BOLL: variants seen among roughly 807,000 people sequenced by gnomAD.
BOLL encodes the protein protein boule-like.
BOLL carries 23 observed loss-of-function variants against 44.4 expected under a neutral mutation model. The observed-to-expected ratio is 0.52, with a 90% CI of 0.37 to 0.73. BOLL has a LOEUF of 0.73. Ranked by LOEUF, BOLL falls within the 30% of genes least tolerant of loss-of-function variation. BOLL has a pLI of 0.00. For synonymous variants in BOLL, 97 were observed against 110.8 expected, an observed-to-expected ratio of 0.88 and a Z score of 0.78; for missense variants, 287 against 338.3, an observed-to-expected ratio of 0.85 and a Z score of 1.19.
At position 197,727,849 on chromosome 2, in the gene BOLL, GA is replaced by G. The variant is rs1160444507; in HGVS notation, c.*705del. On this transcript the variant is annotated 3_prime_UTR_variant, in exon 11 of 11. Transcript: ENST00000392296. ...TTTCAATATTGTCTCAAACACTGGA[GA>G]AAAAATTTAATATAGTCAAATTACA... 2 of 152,072 alleles carry G rather than the reference GA, an allele frequency of 1.3e-5. No individual in the cohort carries two copies. Among genetic ancestry groups the G allele is most frequent in the South Asian group, 2.1e-4 (1 of 4,828 alleles). The allele number at this position is 152,072 out of a possible 1,614,324, so 9.4% of individuals were successfully genotyped here. A position where few individuals can be genotyped will look rare whatever the true frequency, so the allele number is the denominator to read the frequency against.
chr2:197,777,331 T>G lies in BOLL; in HGVS notation c.222-218A>C, dbSNP rs143816061. ...AAAAGAAAAAAAACCCCTGAGATCT[T>G]GAAACAGCTTCAGCTCTCAGCTGTA... On this transcript the variant is annotated intron_variant, in intron 3 of 10. Transcript: ENST00000392296. Among the ~76,000 whole-genome samples, 112 of 151,908 alleles carry G rather than the reference T, an allele frequency of 7.4e-4. 1 individual carries two copies. Among genetic ancestry groups the G allele is most frequent in the African/African-American group, 2.7e-3 (112 of 41,502 alleles).
intron 5 of BOLL, 78 bp downstream of exon 5, chr2:197,775,587 A>G (rs1334358963): frequency 1.1e-6 from 1 of 935,166 alleles, no homozygotes; most frequent in African/African-American, 1.8e-5. Flanking sequence ...TCTTTTAATA[A>G]AGTTCTATAA....
At position 197,775,870 on chromosome 2, in the gene BOLL, G is replaced by T. The variant is rs577378674; in HGVS notation, c.277-130C>A. ...TATTCTTTCAAAGCAGCAAGGAATAGTGGGAAAGAGCCGTCTTCAGACTGA... is the reference window on the plus strand; with the variant it reads ...TATTCTTTCAAAGCAGCAAGGAATATTGGGAAAGAGCCGTCTTCAGACTGA... On this transcript the variant is annotated intron_variant, in intron 4 of 10. Transcript: ENST00000392296. 3,966 of 484,584 alleles carry T rather than the reference G, an allele frequency of 8.2e-3. 33 individuals are homozygous for T. The highest frequency in any genetic ancestry group is 0.019 in the South Asian group (447 of 23,522). 30.0% of individuals were successfully genotyped at this position (484,584 alleles called of 1,614,324 possible).
At chr2:197,746,218 C>T (rs370948258) in intron 9 of BOLL, among the ~76,000 whole-genome samples, 5 of 152,106 alleles carry the variant, frequency 3.3e-5, no homozygotes, top group East Asian at 1.9e-4. Context: ...TTAGTATGGC[C>T]ATTTTGGAAA....
intron 9 of BOLL, among the ~76,000 whole-genome samples, chr2:197,754,879 T>A (rs1688438894): frequency 6.6e-6 from 1 of 151,924 alleles, no homozygotes; most frequent in Admixed American, 6.6e-5. Context: ...CAATTGCAAC[T>A]AAGCAAAAAT....
intron 7 of BOLL, chr2:197,759,155 G>C (rs1688641022): frequency 1.5e-6 from 1 of 678,192 alleles, no homozygotes; most frequent in African/African-American, 1.8e-5. Flanking sequence ...CAAAAGGAGA[G>C]TGCTGGAGTG....
At chr2:197,775,822 A>C (rs1558996217) in intron 4 of BOLL, 82 bp from the exon 5 acceptor site, 2 of 790,688 alleles carry the variant, frequency 2.5e-6, no homozygotes, top group Non-Finnish European at 3.8e-6. Context: ...AGTTAGAAAG[A>C]ATTTCAAAAA....
chr2:197,786,202 A>G (rs1020305445), upstream of BOLL: 14 of 726,416 alleles, frequency 1.9e-5, no homozygotes, highest in Admixed American at 1.8e-4. This position sits in a 1 kb window ranked among gnomAD's most constrained non-coding sequence, Gnocchi z 5.9. Context: ...GGAGAAGCGG[A>G]CTGCGTCGCC....
Position 197,785,056 on chromosome 2 carries a change from C to T in BOLL, c.-16G>A. Reference sequence around the variant, plus strand: ...AGACAGCAGGAACGGGCGGGCTAACCGTCGCAGTCACTGCCTCGGCGCTCC... The same window carrying T: ...AGACAGCAGGAACGGGCGGGCTAACTGTCGCAGTCACTGCCTCGGCGCTCC... On this transcript the variant is annotated splice_region_variant and 5_prime_UTR_variant, in exon 1 of 11. Transcript: ENST00000392296. This position sits in a 1 kb window ranked among gnomAD's most constrained non-coding sequence, Gnocchi z 6.7. 2.1e-5 allele frequency: 21 copies of T among 986,014 alleles called. No individual in the cohort carries two copies. The highest frequency in any genetic ancestry group is 2.3e-5 in the Non-Finnish European group (19 of 829,952). The allele number at this position is 986,014 out of a possible 1,614,324, so 61.1% of individuals were successfully genotyped here.
intron 10 of BOLL, among the ~76,000 whole-genome samples, chr2:197,730,913 A>C (rs370363960): frequency 3.3e-5 from 5 of 151,528 alleles, no homozygotes; most frequent in African/African-American, 7.3e-5. Context: ...AACTAATGAG[A>C]AAAATAACCA....
chr2:197,748,289 G>A (rs1002680616), intron 9 of BOLL, among the ~76,000 whole-genome samples: 3 of 152,230 alleles, frequency 2.0e-5, no homozygotes, highest in Non-Finnish European at 4.4e-5. Context: ...TGGATTTCAA[G>A]CACAAAACTG....
intron 9 of BOLL, among the ~76,000 whole-genome samples, chr2:197,747,054 A>G (rs975521296): frequency 1.3e-5 from 2 of 152,132 alleles, no homozygotes; most frequent in African/African-American, 2.4e-5. Context: ...ACTATAGTTA[A>G]TAATAACATA....
intron 10 of BOLL, among the ~76,000 whole-genome samples, chr2:197,735,460 C>T (rs554332749): frequency 2.6e-5 from 4 of 152,032 alleles, no homozygotes; most frequent in Admixed American, 1.3e-4. Flanking sequence ...TTTGATTCTA[C>T]GTTCTGAAAA....
At chr2:197,780,402 C>A (rs1689714423) in intron 2 of BOLL, among the ~76,000 whole-genome samples, 2 of 152,034 alleles carry the variant, frequency 1.3e-5, no homozygotes, top group African/African-American at 4.8e-5. Flanking sequence ...CTCCAAAGTG[C>A]ATGCTGTAGC....
At chr2:197,763,865 T>C (rs891188081) in intron 7 of BOLL, among the ~76,000 whole-genome samples, 3 of 151,952 alleles carry the variant, frequency 2.0e-5, no homozygotes, top group African/African-American at 4.8e-5. Flanking sequence ...ATAAACTGAT[T>C]AAAAATGGGC....
intron 10 of BOLL, among the ~76,000 whole-genome samples, chr2:197,741,977 A>G (rs1333882565): frequency 6.6e-6 from 1 of 152,230 alleles, no homozygotes; most frequent in Non-Finnish European, 1.5e-5. Context: ...ACAAGAAAAA[A>G]ACAACCCCAT....
intron 9 of BOLL, among the ~76,000 whole-genome samples, chr2:197,747,651 T>C (rs1398349951): frequency 1.3e-5 from 2 of 150,254 alleles, no homozygotes; most frequent in African/African-American, 2.4e-5. Context: ...GTAAAAGTAT[T>C]GATAGTAAAT....
At chr2:197,768,830 G>C (rs187716854) in intron 6 of BOLL, among the ~76,000 whole-genome samples, 1 of 149,122 alleles carries the variant, frequency 6.7e-6, no homozygotes, top group African/African-American at 2.5e-5. Context: ...TTTGAGATAC[G>C]TTCCATCAAT....
At chr2:197,772,833 C>T (rs1689328389) in intron 5 of BOLL, among the ~76,000 whole-genome samples, 1 of 151,938 alleles carries the variant, frequency 6.6e-6, no homozygotes, top group South Asian at 2.1e-4. Flanking sequence ...CCACCTATAC[C>T]AGTGCTTCTC....
Sources: allele counts gnomAD v4.1 joint callset (sites outside exome capture counted in the v4.1 genomes callset), GRCh38; gene constraint gnomAD v4.1.1; non-coding constraint Gnocchi (gnomAD v3.1); transcripts MANE v1.5; gene names NCBI Gene and HGNC (gene_info 2026-07-23, HGNC 2026-07-21).